Variants in WDR27 observed in about 807,000 individuals in gnomAD.
The protein encoded by WDR27 is WD repeat domain 27, also known as WD repeat-containing protein 27.
A neutral mutation model predicts 114.4 loss-of-function variants in WDR27; 100 were observed. That is an observed-to-expected ratio of 0.87 (90% CI 0.74 to 1.03). WDR27 has a LOEUF of 1.03. Ranked by LOEUF, WDR27 falls within the 50% of genes least tolerant of loss-of-function variation. The pLI is 0.00. For synonymous variants in WDR27, 449 were observed against 423.1 expected, an observed-to-expected ratio of 1.06 and a Z score of -0.75; for missense variants, 1,129 against 1,092.9, an observed-to-expected ratio of 1.03 and a Z score of -0.47.
intron 17 of WDR27, among the ~76,000 whole-genome samples, chr6:169,639,406 G>C (rs914269637): frequency 6.6e-6 from 1 of 151,974 alleles, no homozygotes; most frequent in African/African-American, 2.4e-5. Flanking sequence ...CTACAGTATA[G>C]AAATCTGTGG....
At chr6:169,678,069 C>T (rs1260853749) in intron 2 of WDR27, among the ~76,000 whole-genome samples, 2 of 152,212 alleles carry the variant, frequency 1.3e-5, no homozygotes, top group South Asian at 4.1e-4. Flanking sequence ...GGAGTTGGAG[C>T]CCCCACACAG....
the WDR27 span, among the ~76,000 whole-genome samples, chr6:169,450,887 G>A: frequency 3.3e-5 from 5 of 152,170 alleles, no homozygotes; most frequent in African/African-American, 1.2e-4. Context: ...CCAGATGAGT[G>A]CTTCCGCCTG....
intron 1 of WDR27, among the ~76,000 whole-genome samples, chr6:169,698,835 T>G (rs1193245481): frequency 1.3e-5 from 2 of 152,088 alleles, no homozygotes; most frequent in African/African-American, 4.8e-5. Context: ...CACTAAAGGG[T>G]GATCAGGACA....
At chr6:169,627,078 G>A (rs1274167371) in intron 21 of WDR27, among the ~76,000 whole-genome samples, 1 of 152,214 alleles carries the variant, frequency 6.6e-6, no homozygotes, top group Non-Finnish European at 1.5e-5. Flanking sequence ...CAGCGCCGCT[G>A]TAATTTGTCA....
chr6:169,619,514 T>G (rs917496655), intron 21 of WDR27, among the ~76,000 whole-genome samples: 1 of 152,216 alleles, frequency 6.6e-6, no homozygotes, highest in African/African-American at 2.4e-5. Context: ...CTTGGTTTTA[T>G]ACATTTTAGG....
chr6:169,643,651 G>T lies in WDR27; in HGVS notation c.1747+46C>A. On this transcript the variant is annotated intron_variant, in intron 17 of 25. Transcript: ENST00000448612. The stretch of plus-strand genomic sequence containing the variant: ...CAACTGATAACCAGGACCTAAGTGA[G>T]ACCCATCCTTAAGTTCATACTGACT... 3 of 1,529,080 alleles carry T rather than the reference G, an allele frequency of 2.0e-6. No homozygotes were observed. In the South Asian group the frequency reaches 3.5e-5, roughly 18 times the overall value. The allele number at this position is 1,529,080 out of a possible 1,614,324, so 94.7% of individuals were successfully genotyped here. A position where few individuals can be genotyped will look rare whatever the true frequency, so the allele number is the denominator to read the frequency against.
chr6:169,642,071 G>A (rs1290466399), intron 17 of WDR27, among the ~76,000 whole-genome samples: 5 of 152,208 alleles, frequency 3.3e-5, no homozygotes, highest in African/African-American at 1.2e-4. Flanking sequence ...AAGCTGGGAT[G>A]TGCTACCTGA....
chr6:169,667,717 C>T (rs1828248239), intron 5 of WDR27, among the ~76,000 whole-genome samples: 1 of 152,204 alleles, frequency 6.6e-6, no homozygotes, highest in Admixed American at 6.5e-5. Flanking sequence ...CGTGCCTGGG[C>T]GCTCCCAGGC....
At chr6:169,655,076 C>T (rs1457503894) in intron 13 of WDR27, among the ~76,000 whole-genome samples, 2 of 152,218 alleles carry the variant, frequency 1.3e-5, no homozygotes, top group South Asian at 4.1e-4. Flanking sequence ...GGTTTTCTGC[C>T]GCCCTGTGGT....
At chr6:169,644,301 G>C (rs376865676) in intron 16 of WDR27, among the ~76,000 whole-genome samples, 27 of 150,226 alleles carry the variant, frequency 1.8e-4, no homozygotes, top group South Asian at 8.5e-4. Flanking sequence ...CTAGTTCACA[G>C]GAGTCACACT....
At chr6:169,517,303 T>C (rs941639897) in intron 25 of WDR27, among the ~76,000 whole-genome samples, 1 of 152,214 alleles carries the variant, frequency 6.6e-6, no homozygotes, top group Non-Finnish European at 1.5e-5. Context: ...CCATGCTTCC[T>C]GTAAAGCCTG....
chr6:169,667,098 C>T, intron 6 of WDR27, 38 bp downstream of exon 6: 1 of 1,477,108 alleles, frequency 6.8e-7, no homozygotes, highest in Non-Finnish European at 8.9e-7. Flanking sequence ...GGGTTACACA[C>T]AACCTATTTA....
At chr6:169,461,365 C>A (rs987600391) in intron 25 of WDR27, among the ~76,000 whole-genome samples, 3 of 151,958 alleles carry the variant, frequency 2.0e-5, no homozygotes, top group Admixed American at 1.3e-4. Context: ...ATATGTTAAG[C>A]CACAAATTAA....
chr6:169,497,556 C>CA (rs35202332), intron 25 of WDR27, among the ~76,000 whole-genome samples: 3,552 of 145,466 alleles, frequency 0.024, 121 homozygotes, highest in African/African-American at 0.082. Context: ...CCTAAAACTA[C>CA]AAAAAAAAAA....
chr6:169,689,074 C>CT, intron 1 of WDR27, 62 bp from the exon 2 acceptor site: 3 of 1,208,590 alleles, frequency 2.5e-6, no homozygotes, highest in Non-Finnish European at 3.4e-6. Flanking sequence ...GAAAAAAAGT[C>CT]TATTACCTAC....
In WDR27 at chr6:169,550,974, TC is replaced by T. The variant is rs562928352; in HGVS notation, c.2645+21444del. 2.8e-3 allele frequency among the ~76,000 whole-genome samples: 424 copies of T among 152,270 alleles called. 3 individuals carry two copies. Among genetic ancestry groups the T allele is most frequent in the Non-Finnish European group, 4.7e-3 (323 of 68,026 alleles). ...GAAGCAATCTGCCTACCTCGGCCTC[TC>T]AAAGTGGAGGGTTTACAGGTGTCAG... is the stretch of plus-strand genomic sequence containing the variant. On this transcript the variant is annotated intron_variant, in intron 25 of 25. Transcript: ENST00000448612.
At chr6:169,691,904 G>A (rs547634516) in intron 1 of WDR27, among the ~76,000 whole-genome samples, 3 of 152,324 alleles carry the variant, frequency 2.0e-5, no homozygotes, top group Non-Finnish European at 2.9e-5. Context: ...TGAAAGGCAT[G>A]TGGATACTCA....
At chr6:169,601,685 A>T (rs1319216244) in intron 23 of WDR27, among the ~76,000 whole-genome samples, 1 of 152,208 alleles carries the variant, frequency 6.6e-6, no homozygotes, top group Non-Finnish European at 1.5e-5. Flanking sequence ...AGTTTGTGGT[A>T]GTTTGTGGCA....
chr6:169,526,181 A>T (rs1476930289), intron 25 of WDR27, among the ~76,000 whole-genome samples: 1 of 152,224 alleles, frequency 6.6e-6, no homozygotes, highest in African/African-American at 2.4e-5. Context: ...TAAGGTGGCT[A>T]TAGTTTACAA....
Sources: allele counts gnomAD v4.1 joint callset (sites outside exome capture counted in the v4.1 genomes callset), GRCh38; gene constraint gnomAD v4.1.1; transcripts MANE v1.5; gene names NCBI Gene and HGNC (gene_info 2026-07-23, HGNC 2026-07-21).